Variants in PRMT8 observed in about 807,000 individuals in gnomAD.
PRMT8 encodes the protein protein arginine N-methyltransferase 8.
PRMT8 carries 7 observed loss-of-function variants against 47.1 expected under a neutral mutation model. The ratio of observed to expected loss-of-function variants is 0.15; its 90% CI spans 0.08 to 0.28. The LOEUF is 0.28. Ranked by LOEUF, PRMT8 falls within the 10% of genes least tolerant of loss-of-function variation. PRMT8 has a pLI of 1.00. For synonymous variants in PRMT8, 188 were observed against 186.5 expected (o/e 1.01, Z -0.07); for missense variants, 237 against 505.4 (o/e 0.47, Z 5.09).
chr12:3,496,212 ATATTTT>A (rs1293350126), intron 1 of PRMT8, among the ~76,000 whole-genome samples: 876 of 19,272 alleles, frequency 0.045, 7 homozygotes, highest in Non-Finnish European at 0.053. Flanking sequence ...ATATATATAT[ATATTTT>A]TTTTTTTTTT....
chr12:3,556,646 AG>A (rs1445473650), intron 4 of PRMT8, among the ~76,000 whole-genome samples: 1 of 152,226 alleles, frequency 6.6e-6, no homozygotes, highest in East Asian at 1.9e-4. Context: ...CTGTAAAGGA[AG>A]GTGGCATTAA....
At chr12:3,421,229 C>T (rs1057409832) in intron 1 of PRMT8, among the ~76,000 whole-genome samples, 11 of 152,182 alleles carry the variant, frequency 7.2e-5, no homozygotes, top group Admixed American at 1.3e-4. Flanking sequence ...CCGTGCCTGT[C>T]GGGTCTCAAA....
chr12:3,570,391 A>G lies in PRMT8; in HGVS notation c.712+827A>G, dbSNP rs1165512683. 6.6e-6 allele frequency among the ~76,000 whole-genome samples: 1 copy of G among 152,242 alleles called. No homozygotes were observed. Among genetic ancestry groups the G allele is most frequent in the East Asian group, 1.9e-4 (1 of 5,204 alleles). The stretch of plus-strand genomic sequence containing the variant: ...TCCTCAACCAGAACCAAATACAACA[A>G]AGGAGCAAAGAACCCCTCAAACAGG... On this transcript the variant is annotated intron_variant, in intron 6 of 9. Transcript: ENST00000382622. The surrounding 1 kb of genome is among the most constrained non-coding windows in gnomAD (Gnocchi z 5.5).
chr12:3,489,829 ACACACGCG>A (rs1204868943), upstream of PRMT8, among the ~76,000 whole-genome samples: 134 of 132,298 alleles, frequency 1.0e-3, no homozygotes, highest in African/African-American at 3.6e-3. Flanking sequence ...ACACACACAC[ACACACGCG>A]CGCACACACA....
At chr12:3,396,527 G>T (rs964126272) in intron 1 of PRMT8, among the ~76,000 whole-genome samples, 1 of 152,210 alleles carries the variant, frequency 6.6e-6, no homozygotes, top group African/African-American at 2.4e-5. Context: ...CTTTGAGAAC[G>T]TTGAATATTG....
intron 1 of PRMT8, among the ~76,000 whole-genome samples, chr12:3,496,214 A>ATATATATATATATTATTTTTTTTTTT: frequency 3.6e-5 from 1 of 27,756 alleles, no homozygotes; most frequent in African/African-American, 8.8e-5. Context: ...ATATATATAT[A>ATATATATATATATTATTTTTTTTTTT]TTTTTTTTTT....
At chr12:3,487,471 G>A (rs1173784042), upstream of PRMT8, among the ~76,000 whole-genome samples, 2 of 152,236 alleles carry the variant, frequency 1.3e-5, no homozygotes, top group African/African-American at 4.8e-5. Context: ...TGGGGTTCCA[G>A]CATGGGCTCA....
chr12:3,417,841 G>A (rs957263825), intron 1 of PRMT8, among the ~76,000 whole-genome samples: 6 of 152,214 alleles, frequency 3.9e-5, no homozygotes, highest in African/African-American at 1.4e-4. Flanking sequence ...TTTGCCTTGA[G>A]AGTGACCTTG....
At chr12:3,455,711 A>G (rs549904245) in intron 1 of PRMT8, among the ~76,000 whole-genome samples, 1 of 152,218 alleles carries the variant, frequency 6.6e-6, no homozygotes, top group African/African-American at 2.4e-5. Context: ...AGCCTGCTAC[A>G]TTGAATTTGG....
In PRMT8 at chr12:3,472,247, C is replaced by T. The variant is rs544051888; in HGVS notation, c.49-68359C>T. 2.0e-5 allele frequency among the ~76,000 whole-genome samples: 3 copies of T among 152,294 alleles called. No individual in the cohort carries two copies. In the South Asian group the frequency reaches 6.2e-4, roughly 32 times the overall value. On this transcript the variant is annotated intron_variant, in intron 1 of 9. Transcript: ENST00000452611. ...GCCCTGTGAAATGGCTTCCCCAGGG[C>T]CTCTGTTTGCTTGACATTCCGGCTG...
rs1362229970 is a variant in PRMT8, at chr12:3,538,867, G to A, written c.76-1739G>A. Among the ~76,000 whole-genome samples, 2 of 152,152 alleles carry A rather than the reference G, an allele frequency of 1.3e-5. No individual in the cohort carries two copies. The highest frequency in any genetic ancestry group is 2.9e-5 in the Non-Finnish European group (2 of 68,034). ...CCAGCCCGCCCGGGATCTCACCGAC[G>A]TGAAATCTGATGTTGCTAAACTGGG... is the stretch of plus-strand genomic sequence containing the variant. On this transcript the variant is annotated intron_variant, in intron 1 of 9. Transcript: ENST00000382622. This position sits in a 1 kb window ranked among gnomAD's most constrained non-coding sequence, Gnocchi z 4.6.
In PRMT8 at chr12:3,550,185, T is replaced by A. The variant is rs1052042509; in HGVS notation, c.417+94T>A. Reference sequence around the variant, plus strand: ...GCCCTTCTAGAAGTACAAAATTTGGTCCATCTCTTTTGCTGGGGTCACACC... The same window carrying A: ...GCCCTTCTAGAAGTACAAAATTTGGACCATCTCTTTTGCTGGGGTCACACC... On this transcript the variant is annotated intron_variant, in intron 3 of 9. Transcript: ENST00000382622. This position sits in a 1 kb window ranked among gnomAD's most constrained non-coding sequence, Gnocchi z 5.1. 6.6e-7 allele frequency: 1 copy of A among 1,523,296 alleles called. No homozygotes were observed. The highest frequency in any genetic ancestry group is 1.4e-5 in the African/African-American group (1 of 72,890). The allele number at this position is 1,523,296 out of a possible 1,614,324, so 94.4% of individuals were successfully genotyped here.
chr12:3,544,187 T>C (rs1477899647), intron 2 of PRMT8, among the ~76,000 whole-genome samples: 2 of 152,226 alleles, frequency 1.3e-5, no homozygotes, highest in Non-Finnish European at 2.9e-5. Flanking sequence ...CAGGGTGGCA[T>C]GTTCCTTCCT....
At chr12:3,395,002 G>C (rs1864234266) in intron 1 of PRMT8, among the ~76,000 whole-genome samples, 1 of 152,028 alleles carries the variant, frequency 6.6e-6, no homozygotes, top group East Asian at 1.9e-4. Context: ...TTTGCGTAGA[G>C]GTGTTTGTAG....
chr12:3,457,750 G>A (rs546473127), intron 1 of PRMT8, among the ~76,000 whole-genome samples: 1 of 151,526 alleles, frequency 6.6e-6, no homozygotes, highest in South Asian at 2.1e-4. Context: ...GAATAATGTA[G>A]GAAACCAATT....
chr12:3,577,058 T>C, intron 7 of PRMT8, 72 bp downstream of exon 7: 1 of 1,264,620 alleles, frequency 7.9e-7, no homozygotes, highest in South Asian at 1.2e-5. Context: ...GTCCAGGCAA[T>C]GCCGGCTCCT....
chr12:3,456,245 C>A lies in PRMT8; in HGVS notation c.48+74803C>A, dbSNP rs1358442794. Among the ~76,000 whole-genome samples, 2 of 152,220 alleles carry A rather than the reference C, an allele frequency of 1.3e-5. No homozygotes were observed. Among genetic ancestry groups the A allele is most frequent in the African/African-American group, 4.8e-5 (2 of 41,454 alleles). The stretch of plus-strand genomic sequence containing the variant: ...AGCGGGAAATGGCAGCCTCCCCTTG[C>A]CTGCAGTTCTTCCGGCCTCACTGTT... On this transcript the variant is annotated intron_variant, in intron 1 of 9. Coordinates refer to the PRMT8 transcript ENST00000452611. The surrounding 1 kb of genome is among the most constrained non-coding windows in gnomAD (Gnocchi z 4.2).
At chr12:3,519,136 A>T (rs1865839997) in intron 1 of PRMT8, among the ~76,000 whole-genome samples, 1 of 152,118 alleles carries the variant, frequency 6.6e-6, no homozygotes. Context: ...TTGCAGACGG[A>T]CAGAGGGGAG....
At position 3,534,876 on chromosome 12, in the gene PRMT8, G is replaced by A. The variant is rs7138430; in HGVS notation, c.76-5730G>A. Among the ~76,000 whole-genome samples, 1,095 of 152,382 alleles carry A rather than the reference G, an allele frequency of 7.2e-3. 15 individuals carry two copies. The highest frequency in any genetic ancestry group is 0.025 in the African/African-American group (1,029 of 41,586). On this transcript the variant is annotated intron_variant, in intron 1 of 9. Transcript: ENST00000382622. ...ACAGATACTGGTTGACATCTTGGCT[G>A]TGCTGCTTGCTATCTCTGGGCCCTG... is the stretch of plus-strand genomic sequence containing the variant.
Sources: gnomAD v4.1 joint callset for allele counts (sites outside exome capture counted in the v4.1 genomes callset) on GRCh38, gnomAD v4.1.1 for gene constraint, Gnocchi (gnomAD v3.1) non-coding constraint, MANE v1.5 for transcripts, NCBI Gene and HGNC (gene_info 2026-07-23, HGNC 2026-07-21) for gene names.